LRRC36: variants seen among roughly 807,000 people sequenced by gnomAD.
The protein encoded by LRRC36 is leucine rich repeat containing 36.
LRRC36 carries 62 observed loss-of-function variants against 81.1 expected under a neutral mutation model. The observed-to-expected ratio is 0.76, with a 90% CI of 0.62 to 0.94. The LOEUF (loss-of-function observed/expected upper bound fraction) is 0.94. Among genes scored for constraint, LRRC36 ranks in the 40% least tolerant of loss-of-function variants. The pLI, the probability that LRRC36 is intolerant of heterozygous loss-of-function variation, is 0.00. For missense variants in LRRC36, 761 were observed against 881.7 expected (o/e 0.86, Z 1.73); for synonymous variants, 334 against 348.6 (o/e 0.96, Z 0.47).
intron 1 of LRRC36, among the ~76,000 whole-genome samples, chr16:67,334,579 C>A (rs1245737962): frequency 6.6e-6 from 1 of 152,044 alleles, no homozygotes; most frequent in South Asian, 2.1e-4. Flanking sequence ...CCTGCCCCAA[C>A]CTCCCAAAGT....
intron 2 of LRRC36, among the ~76,000 whole-genome samples, chr16:67,345,443 C>T (rs531344414): frequency 6.6e-6 from 1 of 152,214 alleles, no homozygotes; most frequent in South Asian, 2.1e-4. Flanking sequence ...TAGCAGGTTT[C>T]AGCAGAGGAA....
chr16:67,375,941 T>A (rs910081883), intron 10 of LRRC36, among the ~76,000 whole-genome samples: 2 of 152,248 alleles, frequency 1.3e-5, no homozygotes, highest in East Asian at 3.8e-4. Flanking sequence ...TTCTTTTTGA[T>A]CCTTAACATG....
chr16:67,382,701 C>T (rs1445317115), intron 13 of LRRC36, among the ~76,000 whole-genome samples: 2 of 152,126 alleles, frequency 1.3e-5, no homozygotes, highest in Non-Finnish European at 2.9e-5. Flanking sequence ...ACAGCACCCC[C>T]GGCTGGGTGT....
chr16:67,348,667 C>A (rs1274016892), intron 4 of LRRC36: 1 of 152,148 alleles, frequency 6.6e-6, no homozygotes, highest in Non-Finnish European at 1.5e-5. Flanking sequence ...ATCCCCACAA[C>A]ATTATTCTTA....
intron 13 of LRRC36, among the ~76,000 whole-genome samples, chr16:67,382,813 C>T (rs1357107976): frequency 6.6e-6 from 1 of 152,114 alleles, no homozygotes; most frequent in Non-Finnish European, 1.5e-5. Flanking sequence ...GAAACTCCGT[C>T]TCTACTAAAA....
intron 6 of LRRC36, among the ~76,000 whole-genome samples, chr16:67,364,076 C>T (rs1000963961): frequency 6.6e-6 from 1 of 152,202 alleles, no homozygotes; most frequent in Non-Finnish European, 1.5e-5. Context: ...TTGCTTCTTA[C>T]ATTTTCTACC....
chr16:67,375,411 C>T lies in LRRC36; in HGVS notation c.1659C>T (p.Leu553=), dbSNP rs988545000. Residue 553 remains leucine (L), a splice_region_variant and synonymous_variant, in exon 10 of 14, where the codon CTC becomes CTT. Coordinates refer to ENST00000329956, the MANE Select transcript of LRRC36 (RefSeq NM_018296.6). ...CCCTCCTCCTCAACAAGAAGTTTCT[C>T]GGTGAGTGAATGCATTCTCTGTCCT... ...SGSLLLNKKF[L]GPARDLLLSL... is the part of the protein sequence containing the mutation. 1.9e-5 allele frequency: 30 copies of T among 1,575,772 alleles called. 1 individual carries two copies. Among genetic ancestry groups the T allele is most frequent in the South Asian group, 9.2e-5 (8 of 86,732 alleles).
chr16:67,356,301 T>G (rs975059536), intron 5 of LRRC36, among the ~76,000 whole-genome samples: 1 of 152,210 alleles, frequency 6.6e-6, no homozygotes, highest in Admixed American at 6.5e-5. Flanking sequence ...AACATGTTGA[T>G]CCATGTCATC....
chr16:67,353,774 T>C (rs1168122596), intron 5 of LRRC36, among the ~76,000 whole-genome samples: 1 of 152,134 alleles, frequency 6.6e-6, no homozygotes, highest in Non-Finnish European at 1.5e-5. Flanking sequence ...AGGAAACTGA[T>C]ACCCAAAGAG....
chr16:67,381,181 G>A (rs151308497), intron 12 of LRRC36, among the ~76,000 whole-genome samples: 3 of 137,454 alleles, frequency 2.2e-5, no homozygotes, highest in Admixed American at 8.0e-5. Context: ...CTGAGATCCC[G>A]CCATTGCACT....
At chr16:67,342,279 G>A (rs974460358) in intron 2 of LRRC36, among the ~76,000 whole-genome samples, 195 bp downstream of exon 2, 7 of 152,156 alleles carry the variant, frequency 4.6e-5, no homozygotes, top group African/African-American at 1.2e-4. Context: ...TATTGGGAGG[G>A]CAATTTATTT....
At position 67,367,274 on chromosome 16, in the gene LRRC36, T is replaced by C; in HGVS notation, c.1012T>C (p.Ser338Pro). The change falls in exon 8 of 14, where the codon TCT (serine) becomes CCT (proline). Residue 338 changes from serine (S) to proline (P), a missense_variant. Physicochemically the swap from Ser to Pro is moderately conservative, Grantham distance 74. This residue lies in a region of LRRC36 where 139 missense variants were observed against 214.0 expected (regional missense o/e 0.65). Coordinates refer to ENST00000329956, the MANE Select transcript of LRRC36 (RefSeq NM_018296.6). ...TCTGGAAAATTATGACAGTTGTTATTCTCAAACTCTATCCCTGCATGGAAG... is the reference window on the plus strand; with the variant it reads ...TCTGGAAAATTATGACAGTTGTTATCCTCAAACTCTATCCCTGCATGGAAG... ...VGLENYDSCYSQTLSLHGSLG... is the reference protein window; with the variant it reads ...VGLENYDSCYPQTLSLHGSLG... 6 of 1,614,188 alleles carry C rather than the reference T, an allele frequency of 3.7e-6. No homozygotes were observed. Among genetic ancestry groups the C allele is most frequent in the South Asian group, 2.2e-5 (2 of 91,082 alleles).
At chr16:67,372,366 A>AT (rs2039686105) in intron 9 of LRRC36, among the ~76,000 whole-genome samples, 1 of 151,082 alleles carries the variant, frequency 6.6e-6, no homozygotes, top group South Asian at 2.1e-4. Flanking sequence ...CCAAAAAAAA[A>AT]AAAATAAAAT....
chr16:67,374,076 G>A (rs1223134361), intron 9 of LRRC36, among the ~76,000 whole-genome samples: 8 of 152,002 alleles, frequency 5.3e-5, no homozygotes, highest in Non-Finnish European at 1.2e-4. Context: ...CACACCTGTA[G>A]TTCCAGCTAT....
At position 67,382,715 on chromosome 16, in the gene LRRC36, G is replaced by A. The variant is rs942700990; in HGVS notation, c.2045+468G>A. On this transcript the variant is annotated intron_variant, in intron 13 of 13. Coordinates refer to ENST00000329956, the MANE Select transcript of LRRC36 (RefSeq NM_018296.6). ...AACAGCACCCCCGGCTGGGTGTGGT[G>A]GCTCACGCCTGTAATCCCAGCACTT... is the stretch of plus-strand genomic sequence containing the variant. Among the ~76,000 whole-genome samples the A allele has an allele frequency of 2.0e-5, 3 of 152,260 alleles. No homozygotes were observed. The South Asian group carries it at 6.2e-4, about 32-fold the overall frequency.
intron 1 of LRRC36, among the ~76,000 whole-genome samples, chr16:67,341,179 T>C (rs1236092843): frequency 7.6e-6 from 1 of 130,756 alleles, no homozygotes; most frequent in East Asian, 2.3e-4. Context: ...ATATGTACTC[T>C]ACATATTCTA....
intron 12 of LRRC36, among the ~76,000 whole-genome samples, chr16:67,380,323 G>A (rs2142179387): frequency 6.6e-6 from 1 of 152,264 alleles, no homozygotes; most frequent in South Asian, 2.1e-4. Flanking sequence ...TCCCACCTCA[G>A]CAGTGTACTT....
intron 5 of LRRC36, among the ~76,000 whole-genome samples, chr16:67,362,882 A>C (rs1277811108): frequency 6.6e-6 from 1 of 151,878 alleles, no homozygotes; most frequent in Non-Finnish European, 1.5e-5. Context: ...GGTTCAAGCA[A>C]TTCTCCTGCC....
chr16:67,331,094 AG>A (rs2037467682), intron 1 of LRRC36, among the ~76,000 whole-genome samples: 1 of 151,460 alleles, frequency 6.6e-6, no homozygotes, highest in Admixed American at 6.6e-5. Flanking sequence ...AGAGAGAGAG[AG>A]AGAGAGAGAG....
Sources: gnomAD v4.1 joint callset for allele counts (sites outside exome capture counted in the v4.1 genomes callset) on GRCh38, gnomAD v4.1.1 for gene constraint, gnomAD v4.1.1 regional missense constraint, MANE v1.5 for transcripts, NCBI Gene and HGNC (gene_info 2026-07-23, HGNC 2026-07-21) for gene names.